ARFGEF1: variants seen among roughly 807,000 people sequenced by gnomAD.
ARFGEF1 encodes brefeldin A-inhibited guanine nucleotide-exchange protein 1.
ARFGEF1 carries 42 observed loss-of-function variants against 231.0 expected under a neutral mutation model. The observed-to-expected ratio is 0.18, with a 90% CI of 0.14 to 0.24. The LOEUF (loss-of-function observed/expected upper bound fraction) is 0.24. Ranked by LOEUF, ARFGEF1 falls within the 10% of genes least tolerant of loss-of-function variation. The pLI is 1.00. For synonymous variants in ARFGEF1, 710 were observed against 732.3 expected, an observed-to-expected ratio of 0.97 and a Z score of 0.49; for missense variants, 1,345 against 2,192.0, an observed-to-expected ratio of 0.61 and a Z score of 7.72.
chr8:67,175,486 C>T (rs757258532), downstream of ARFGEF1: 9 of 1,602,326 alleles, frequency 5.6e-6, no homozygotes, highest in African/African-American at 5.4e-5. Flanking sequence ...GCTGTTTTTC[C>T]GTAGGCTTTC....
chr8:67,281,873 T>C (rs1428818754), intron 7 of ARFGEF1, among the ~76,000 whole-genome samples: 3 of 152,058 alleles, frequency 2.0e-5, no homozygotes, highest in Admixed American at 6.6e-5. Context: ...AAAATGTGCA[T>C]GAGCCAAAGG....
At position 67,286,373 on chromosome 8, in the gene ARFGEF1, A is replaced by C. The variant is rs552226123; in HGVS notation, c.1027+1582T>G. Among the ~76,000 whole-genome samples, 4 of 152,336 alleles carry C rather than the reference A, an allele frequency of 2.6e-5. No homozygotes were observed. The East Asian group carries it at 5.8e-4, about 22-fold the overall frequency. Reference sequence around the variant, plus strand: ...TAAGTAAAAAGTTGCAGAAAAACGAAAACTTTCACTTCAGACTCTGTATTG... The same window carrying C: ...TAAGTAAAAAGTTGCAGAAAAACGACAACTTTCACTTCAGACTCTGTATTG... On this transcript the variant is annotated intron_variant, in intron 7 of 38. Transcript: ENST00000262215.
At position 67,327,471 on chromosome 8, in the gene ARFGEF1, C is replaced by T. The variant is rs573408824; in HGVS notation, c.124+15693G>A. Among the ~76,000 whole-genome samples, 94 of 152,136 alleles carry T rather than the reference C, an allele frequency of 6.2e-4. 1 individual carries two copies. Among genetic ancestry groups the T allele is most frequent in the Non-Finnish European group, 1.0e-3 (69 of 67,998 alleles). Reference sequence around the variant, plus strand: ...TAGCTGGGATTACAGGCACCTGCCACCACAGCTTGGCTAATTTTTTGGATT... The same window carrying T: ...TAGCTGGGATTACAGGCACCTGCCATCACAGCTTGGCTAATTTTTTGGATT... On this transcript the variant is annotated intron_variant, in intron 1 of 38. Transcript: ENST00000262215.
At chr8:67,273,034 G>A (rs1301266749) in intron 9 of ARFGEF1, among the ~76,000 whole-genome samples, 9 of 152,080 alleles carry the variant, frequency 5.9e-5, no homozygotes, top group Non-Finnish European at 1.0e-4. Flanking sequence ...TTGAACCTGG[G>A]AGGTGGAGGT....
At chr8:67,184,041 C>T (rs1312544420) in intron 5 of ARFGEF1, among the ~76,000 whole-genome samples, 1 of 151,736 alleles carries the variant, frequency 6.6e-6, no homozygotes, top group Non-Finnish European at 1.5e-5. Context: ...TTAGTAGAGA[C>T]GGGGTTTCAC....
chr8:67,227,872 T>C (rs1839428824), intron 25 of ARFGEF1, 91 bp downstream of exon 25: 4 of 1,110,240 alleles, frequency 3.6e-6, no homozygotes, highest in Non-Finnish European at 4.9e-6. Context: ...AATAATTGCT[T>C]GGAAGGGAAA....
At chr8:67,174,448 G>C (rs1212726316), downstream of ARFGEF1, 1 of 152,096 alleles carries the variant, frequency 6.6e-6, no homozygotes, top group Non-Finnish European at 1.5e-5. Flanking sequence ...TGAACTGTAT[G>C]TTTCTTCTCA....
At chr8:67,224,369 A>AAT (rs1416601434) in intron 29 of ARFGEF1, among the ~76,000 whole-genome samples, 1 of 152,148 alleles carries the variant, frequency 6.6e-6, no homozygotes, top group African/African-American at 2.4e-5. Flanking sequence ...GTTACATAAT[A>AAT]CCCATAATAG....
chr8:67,262,208 G>A (rs890593646), intron 14 of ARFGEF1, among the ~76,000 whole-genome samples: 2 of 152,188 alleles, frequency 1.3e-5, no homozygotes, highest in Non-Finnish European at 2.9e-5. Context: ...ATCAATAGGA[G>A]TTGGGAAGAA....
At chr8:67,318,992 C>T (rs1437647796) in intron 1 of ARFGEF1, among the ~76,000 whole-genome samples, 2 of 152,128 alleles carry the variant, frequency 1.3e-5, no homozygotes, top group Non-Finnish European at 2.9e-5. Context: ...AAAAAAAATT[C>T]ACAATAGCTC....
chr8:67,309,835 AG>A (rs1256474738), intron 1 of ARFGEF1, among the ~76,000 whole-genome samples: 1 of 152,344 alleles, frequency 6.6e-6, no homozygotes, highest in Admixed American at 6.5e-5. Context: ...CCTGGATCCC[AG>A]AAAACACCTA....
At chr8:67,190,536 G>A in intron 5 of ARFGEF1, 1 of 730,242 alleles carries the variant, frequency 1.4e-6, no homozygotes. Context: ...CATACATTGA[G>A]TGTGTTTCAT....
intron 18 of ARFGEF1, among the ~76,000 whole-genome samples, chr8:67,251,805 T>C (rs2128885096): frequency 6.6e-6 from 1 of 152,176 alleles, no homozygotes; most frequent in East Asian, 1.9e-4. Flanking sequence ...CATTTTTAAA[T>C]GGCTAATTTT....
intron 1 of ARFGEF1, among the ~76,000 whole-genome samples, chr8:67,342,666 A>G (rs374572264): frequency 3.9e-5 from 6 of 152,138 alleles, no homozygotes; most frequent in African/African-American, 9.7e-5. Context: ...CCTTCTCAAG[A>G]CTGTCAACAA....
chr8:67,317,898 C>CAA (rs951058819), intron 1 of ARFGEF1, among the ~76,000 whole-genome samples: 1,200 of 54,840 alleles, frequency 0.022, 31 homozygotes, highest in African/African-American at 0.076. Context: ...GACTCTGTCT[C>CAA]AAAAAAAAAA....
chr8:67,187,237 A>G (rs1287257564), intron 5 of ARFGEF1, among the ~76,000 whole-genome samples: 1 of 152,222 alleles, frequency 6.6e-6, no homozygotes, highest in East Asian at 1.9e-4. Flanking sequence ...TTCATTTGGA[A>G]AGGCAAAAGA....
chr8:67,228,879 G>A (rs1382263567), intron 23 of ARFGEF1, among the ~76,000 whole-genome samples: 1 of 151,958 alleles, frequency 6.6e-6, no homozygotes, highest in African/African-American at 2.4e-5. Flanking sequence ...AAAAATTTCA[G>A]CATAAACACA....
At chr8:67,302,162 G>T (rs1461569413) in intron 2 of ARFGEF1, among the ~76,000 whole-genome samples, 1 of 151,890 alleles carries the variant, frequency 6.6e-6, no homozygotes, top group East Asian at 1.9e-4. Context: ...TCACACCACC[G>T]CACTCCAGCC....
chr8:67,298,821 A>G (rs2128913898), intron 4 of ARFGEF1, among the ~76,000 whole-genome samples: 1 of 152,332 alleles, frequency 6.6e-6, no homozygotes, highest in East Asian at 1.9e-4. Context: ...GCTGGAGCAC[A>G]GTGGCATGGT....
Sources: gnomAD v4.1 joint callset for allele counts (sites outside exome capture counted in the v4.1 genomes callset) on GRCh38, gnomAD v4.1.1 for gene constraint, MANE v1.5 for transcripts, NCBI Gene and HGNC (gene_info 2026-07-23, HGNC 2026-07-21) for gene names.